GABRB1: variants seen among roughly 807,000 people sequenced by gnomAD.
The protein encoded by GABRB1 is gamma-aminobutyric acid type A receptor subunit beta1.
In GABRB1, 17 loss-of-function variants were observed where a neutral mutation model predicts 51.6. The ratio of observed to expected loss-of-function variants is 0.33; its 90% confidence interval spans 0.23 to 0.49. GABRB1 has a LOEUF of 0.49. Ranked by LOEUF, GABRB1 falls within the 20% of genes least tolerant of loss-of-function variation. The pLI is 0.99. For missense variants in GABRB1, 410 were observed against 600.6 expected (o/e 0.68, Z 3.32); for synonymous variants, 247 against 218.9 (o/e 1.13, Z -1.14).
At position 47,211,588 on chromosome 4, in the gene GABRB1, G is replaced by A. The variant is rs756372110; in HGVS notation, c.461+50119G>A. Among the ~76,000 whole-genome samples the A allele has an allele frequency of 1.6e-4, 24 of 152,250 alleles. No homozygotes were observed. The Middle Eastern group carries it at 0.014, about 86-fold the overall frequency. On this transcript the variant is annotated intron_variant, in intron 4 of 8. Transcript: ENST00000295454. ...CTACCTTGAGCAGAGAACCGTTACC[G>A]CTCTAGGCTTGTATATTAGTGTCCT...
At chr4:47,247,397 G>A (rs1262162119) in intron 4 of GABRB1, among the ~76,000 whole-genome samples, 4 of 152,078 alleles carry the variant, frequency 2.6e-5, no homozygotes, top group African/African-American at 9.7e-5. Flanking sequence ...TTTTATACCA[G>A]TACCATGCTG....
At chr4:47,043,190 A>T (rs1725933902) in intron 3 of GABRB1, 1 of 152,100 alleles carries the variant, frequency 6.6e-6, no homozygotes, top group African/African-American at 2.4e-5. Flanking sequence ...TGGCCAACTG[A>T]AAACTTCTGT....
intron 5 of GABRB1, among the ~76,000 whole-genome samples, chr4:47,352,529 CAA>C (rs1433667080): frequency 6.6e-6 from 1 of 152,138 alleles, no homozygotes; most frequent in Non-Finnish European, 1.5e-5. Flanking sequence ...AAAATACTGG[CAA>C]ACCGAATCCA....
chr4:47,134,222 C>T (rs985360078), intron 3 of GABRB1, among the ~76,000 whole-genome samples: 1 of 152,102 alleles, frequency 6.6e-6, no homozygotes, highest in African/African-American at 2.4e-5. Context: ...CATTACAAAG[C>T]TGAAAATAAA....
chr4:47,195,402 A>T (rs1278534838), intron 4 of GABRB1, among the ~76,000 whole-genome samples: 1 of 26,334 alleles, frequency 3.8e-5, no homozygotes, highest in African/African-American at 1.3e-4. Context: ...GATGATAGAT[A>T]GATAGATAGA....
intron 4 of GABRB1, among the ~76,000 whole-genome samples, chr4:47,250,448 G>A (rs1449393997): frequency 6.6e-6 from 1 of 152,126 alleles, no homozygotes; most frequent in Non-Finnish European, 1.5e-5. Context: ...ATCTTTTTGT[G>A]ATGAATTTCC....
chr4:47,222,498 G>A (rs1000771704), intron 4 of GABRB1, among the ~76,000 whole-genome samples: 11 of 152,086 alleles, frequency 7.2e-5, no homozygotes, highest in Non-Finnish European at 1.2e-4. Context: ...ATTAGGCCTT[G>A]AAGTCTTGGA....
At position 47,339,602 on chromosome 4, in the gene GABRB1, A is replaced by G. The variant is rs1403111234; in HGVS notation, c.544+19393A>G. Among the ~76,000 whole-genome samples the G allele has an allele frequency of 2.0e-5, 3 of 151,238 alleles. No homozygotes were observed. The East Asian group carries it at 6.0e-4, about 30-fold the overall frequency. On this transcript the variant is annotated intron_variant, in intron 5 of 8. Coordinates refer to ENST00000295454, the MANE Select transcript of GABRB1 (RefSeq NM_000812.4). ...TTTATACATATTTTTTAGTCCCACA[A>G]CAACCTATAGGAAAAGTAAGAGAGT...
intron 3 of GABRB1, among the ~76,000 whole-genome samples, chr4:47,096,209 A>G (rs571295440): frequency 3.9e-4 from 59 of 152,240 alleles, no homozygotes; most frequent in African/African-American, 1.4e-3. Flanking sequence ...CAAACCCTAT[A>G]TTGCTTTTAG....
chr4:47,404,815 GA>G (rs985731273), intron 7 of GABRB1, among the ~76,000 whole-genome samples: 5 of 151,966 alleles, frequency 3.3e-5, no homozygotes, highest in African/African-American at 9.7e-5. Context: ...CTACACTTAA[GA>G]AAAAAACAGT....
intron 3 of GABRB1, among the ~76,000 whole-genome samples, chr4:47,080,573 A>T (rs1257442146): frequency 2.0e-5 from 3 of 151,974 alleles, no homozygotes; most frequent in Non-Finnish European, 4.4e-5. Context: ...TTTAAAAAAA[A>T]TTACTTTATT....
At chr4:47,347,333 A>G (rs1486308711) in intron 5 of GABRB1, among the ~76,000 whole-genome samples, 2 of 152,024 alleles carry the variant, frequency 1.3e-5, no homozygotes, top group African/African-American at 2.4e-5. Context: ...TATGCCATGT[A>G]TTTCCCCCAA....
chr4:47,128,589 A>T (rs1716271338), intron 3 of GABRB1, among the ~76,000 whole-genome samples: 1 of 152,044 alleles, frequency 6.6e-6, no homozygotes, highest in Non-Finnish European at 1.5e-5. Flanking sequence ...GAAAAGGCAA[A>T]TATAACTTAG....
At chr4:47,275,024 G>A (rs944601181) in intron 4 of GABRB1, among the ~76,000 whole-genome samples, 10 of 152,152 alleles carry the variant, frequency 6.6e-5, no homozygotes, top group Admixed American at 5.9e-4. Flanking sequence ...AAGTTCAAGA[G>A]CCAAAACTTT....
intron 4 of GABRB1, among the ~76,000 whole-genome samples, chr4:47,206,101 T>G (rs890241016): frequency 3.3e-4 from 50 of 152,014 alleles, no homozygotes; most frequent in Admixed American, 3.3e-3. Context: ...GAATTGACCT[T>G]AAGGCTTTGA....
At chr4:47,246,831 G>C (rs1379316290) in intron 4 of GABRB1, among the ~76,000 whole-genome samples, 1 of 151,770 alleles carries the variant, frequency 6.6e-6, no homozygotes, top group Non-Finnish European at 1.5e-5. Flanking sequence ...TATCATCTTT[G>C]GGAATTGTCT....
rs1301285094 is a variant in GABRB1 at position 47,298,679 on chromosome 4, G to A, written c.462-21448G>A. ...CCATGCTGCCCAAGGTAATTTATAG[G>A]TTCAATGCCATCCCCATTAAGCTAC... On this transcript the variant is annotated intron_variant, in intron 4 of 8. Transcript: ENST00000295454. 2.0e-5 allele frequency among the ~76,000 whole-genome samples: 3 copies of A among 152,164 alleles called. No homozygotes were observed. In the East Asian group the frequency reaches 5.8e-4, roughly 29 times the overall value.
chr4:47,244,913 C>A (rs897788192), intron 4 of GABRB1, among the ~76,000 whole-genome samples: 1 of 151,954 alleles, frequency 6.6e-6, no homozygotes, highest in Admixed American at 6.6e-5. Flanking sequence ...AAATTGACAC[C>A]CTAACATTAC....
At chr4:47,184,640 C>G (rs16860016) in intron 4 of GABRB1, among the ~76,000 whole-genome samples, 1,542 of 151,980 alleles carry the variant, frequency 0.01, 24 homozygotes, top group African/African-American at 0.035. Flanking sequence ...GGTTAGACTA[C>G]AGAAGCCAAT....
Sources: gnomAD v4.1 joint callset for allele counts (sites outside exome capture counted in the v4.1 genomes callset) on GRCh38, gnomAD v4.1.1 for gene constraint, MANE v1.5 for transcripts, NCBI Gene and HGNC (gene_info 2026-07-23, HGNC 2026-07-21) for gene names.